The following SNAPC3 variants were observed in gnomAD, a reference collection of about 807,000 sequenced individuals.
The protein encoded by SNAPC3 is small nuclear RNA activating complex polypeptide 3.
A neutral mutation model predicts 47.7 loss-of-function variants in SNAPC3; 56 were observed. The ratio of observed to expected loss-of-function variants is 1.18; its 90% CI spans 0.95 to 1.47. SNAPC3 has a LOEUF of 1.47. Ranked by LOEUF, SNAPC3 falls within the 40% of genes most tolerant of loss-of-function variation. The pLI is 0.00. For missense variants in SNAPC3, 665 were observed against 511.3 expected (o/e 1.30, Z -2.90); for synonymous variants, 235 against 189.9 (o/e 1.24, Z -1.95).
chr9:15,441,909 T>C (rs2033424141), intron 3 of SNAPC3, among the ~76,000 whole-genome samples: 1 of 152,138 alleles, frequency 6.6e-6, no homozygotes, highest in South Asian at 2.1e-4. Flanking sequence ...AGCTGTTGGG[T>C]ACACCTCCCA....
At chr9:15,452,032 C>T (rs982442267) in intron 6 of SNAPC3, among the ~76,000 whole-genome samples, 1 of 152,076 alleles carries the variant, frequency 6.6e-6, no homozygotes, top group African/African-American at 2.4e-5. Context: ...GGCACGATCT[C>T]AGCTCACTGC....
At chr9:15,436,790 A>G (rs1047525140) in intron 3 of SNAPC3, among the ~76,000 whole-genome samples, 5 of 145,636 alleles carry the variant, frequency 3.4e-5, no homozygotes, top group Admixed American at 2.7e-4. Flanking sequence ...ATTTCTTTCC[A>G]TTTATTTAGA....
intron 2 of SNAPC3, 85 bp from the exon 3 acceptor site, chr9:15,433,467 A>C: frequency 1.2e-6 from 1 of 867,336 alleles, no homozygotes; most frequent in Non-Finnish European, 1.9e-6. Context: ...TCAAAATAAA[A>C]AAACTTGAAT....
At chr9:15,436,255 T>A (rs557990642) in intron 3 of SNAPC3, among the ~76,000 whole-genome samples, 4 of 152,374 alleles carry the variant, frequency 2.6e-5, no homozygotes, top group African/African-American at 9.6e-5. Flanking sequence ...CTTAAAACAT[T>A]GCCAGATGCA....
At chr9:15,448,335 A>G (rs148217094) in intron 5 of SNAPC3, among the ~76,000 whole-genome samples, 1,653 of 152,138 alleles carry the variant, frequency 0.011, 24 homozygotes, top group Middle Eastern at 0.037. Flanking sequence ...TTTACACCTC[A>G]TTCATCCATA....
Position 15,447,129 on chromosome 9 carries a change from T to C in SNAPC3, c.617T>C (p.Val206Ala), listed in dbSNP as rs774336394. The C allele has an allele frequency of 1.2e-6, 2 of 1,614,070 alleles. No individual in the cohort carries two copies. Among genetic ancestry groups the C allele is most frequent in the South Asian group, 2.2e-5 (2 of 91,072 alleles). Residue 206 changes from valine to alanine, a missense_variant, in exon 5 of 9, where the codon GTG becomes GCG. Physicochemically the swap from Val to Ala is moderately conservative, Grantham distance 64. Coordinates refer to ENST00000380821, the MANE Select transcript of SNAPC3 (RefSeq NM_001039697.2). ...KEHKPYQTMLVLGSQKLTQLR... is the reference protein window; with the variant it reads ...KEHKPYQTMLALGSQKLTQLR... The stretch of plus-strand genomic sequence containing the variant: ...CACAAACCATACCAAACAATGCTGG[T>C]GTTGGGCAGTCAAAAACTCACACAA...
intron 3 of SNAPC3, among the ~76,000 whole-genome samples, chr9:15,435,274 AG>A (rs1235916689): frequency 3.9e-5 from 6 of 152,240 alleles, no homozygotes; most frequent in Admixed American, 2.0e-4. Flanking sequence ...TATCCTGTTG[AG>A]TTATAAAGAG....
intron 3 of SNAPC3, among the ~76,000 whole-genome samples, chr9:15,441,988 C>A (rs1436689364): frequency 1.3e-5 from 2 of 152,102 alleles, no homozygotes; most frequent in Non-Finnish European, 2.9e-5. Context: ...AGGCGCCCCC[C>A]CACCTCCCGG....
At chr9:15,428,650 A>C (rs2031763321) in intron 2 of SNAPC3, among the ~76,000 whole-genome samples, 1 of 152,148 alleles carries the variant, frequency 6.6e-6, no homozygotes, top group African/African-American at 2.4e-5. Flanking sequence ...ATGATGACTA[A>C]AGGAGAAATG....
At chr9:15,427,220 T>C (rs955053106) in intron 2 of SNAPC3, among the ~76,000 whole-genome samples, 2 of 152,230 alleles carry the variant, frequency 1.3e-5, no homozygotes, top group African/African-American at 4.8e-5. Flanking sequence ...TTGGCAGTTT[T>C]GACATTTTTT....
chr9:15,450,070 C>G (rs2034277042), intron 5 of SNAPC3, among the ~76,000 whole-genome samples: 1 of 152,014 alleles, frequency 6.6e-6, no homozygotes, highest in Non-Finnish European at 1.5e-5. Context: ...TTATTTTGGA[C>G]CCTGCTTACC....
intron 2 of SNAPC3, chr9:15,432,004 C>G (rs936664045): frequency 2.7e-5 from 4 of 146,492 alleles, no homozygotes; most frequent in African/African-American, 1.0e-4. Flanking sequence ...CTACCAAAAG[C>G]GTATCTTGAT....
At chr9:15,426,767 T>C (rs2382529) in intron 2 of SNAPC3, among the ~76,000 whole-genome samples, 142,772 of 152,284 alleles carry the variant, frequency 0.94, 67,084 homozygotes, top group African/African-American at 0.98. Flanking sequence ...ACTAGATCTC[T>C]TTGGTTTCTT....
At chr9:15,429,388 C>T (rs1229635586) in intron 2 of SNAPC3, among the ~76,000 whole-genome samples, 1 of 152,074 alleles carries the variant, frequency 6.6e-6, no homozygotes, top group East Asian at 1.9e-4. Context: ...GGAAAATTTT[C>T]AGCAAAAGGA....
intron 3 of SNAPC3, 130 bp downstream of exon 3, chr9:15,433,766 C>T (rs1364324014): frequency 3.7e-6 from 2 of 542,836 alleles, no homozygotes; most frequent in Non-Finnish European, 6.4e-6. Flanking sequence ...TAGAGAAACT[C>T]CTTTGAGTCT....
At chr9:15,465,528 C>G (rs1374649979), downstream of SNAPC3, 1 of 1,566,288 alleles carries the variant, frequency 6.4e-7, no homozygotes, top group Non-Finnish European at 8.8e-7. Flanking sequence ...ACCTAGTTAT[C>G]TAGTGTAGAA....
intron 2 of SNAPC3, among the ~76,000 whole-genome samples, chr9:15,427,971 C>T (rs1185230515): frequency 3.3e-5 from 5 of 151,970 alleles, no homozygotes; most frequent in East Asian, 3.9e-4. Flanking sequence ...ATTAGCTGGG[C>T]GTGGTGGCAC....
chr9:15,446,041 T>G (rs2033904114), intron 4 of SNAPC3, among the ~76,000 whole-genome samples: 1 of 152,218 alleles, frequency 6.6e-6, no homozygotes, highest in Admixed American at 6.5e-5. Context: ...ACAGTATAGA[T>G]TGCCTGACCT....
rs1263854532 is a variant in SNAPC3 at position 15,461,113 on chromosome 9, T to A, written c.*1247T>A. On this transcript the variant is annotated 3_prime_UTR_variant, in exon 9 of 9. Coordinates refer to ENST00000380821, the MANE Select transcript of SNAPC3 (RefSeq NM_001039697.2). ...CTTCTGGTCCCCTTACTATAGTAAT[T>A]CTAGTTACTCTCATCTTATTCTGAG... is the stretch of plus-strand genomic sequence containing the variant. The A allele has an allele frequency of 6.6e-6, 1 of 151,902 alleles. No homozygotes were observed. The highest frequency in any genetic ancestry group is 2.4e-5 in the African/African-American group (1 of 41,392). The allele number at this position is 151,902 out of a possible 1,614,324, so 9.4% of individuals were successfully genotyped here.
Sources: allele counts gnomAD v4.1 joint callset (sites outside exome capture counted in the v4.1 genomes callset), GRCh38; gene constraint gnomAD v4.1.1; transcripts MANE v1.5; gene names NCBI Gene and HGNC (gene_info 2026-07-23, HGNC 2026-07-21).